The following VEPH1 variants were observed in gnomAD, a reference collection of about 807,000 sequenced individuals.
VEPH1 encodes ventricular zone expressed PH domain containing 1.
A neutral mutation model predicts 85.2 loss-of-function variants in VEPH1; 80 were observed. The observed-to-expected ratio is 0.94, with a 90% confidence interval of 0.78 to 1.13. The LOEUF (loss-of-function observed/expected upper bound fraction) is 1.13. Ranked by LOEUF, VEPH1 falls within the 50% of genes most tolerant of loss-of-function variation. The pLI, the probability that VEPH1 is intolerant of heterozygous loss-of-function variation, is 0.00. For synonymous variants in VEPH1, 297 were observed against 348.0 expected, an observed-to-expected ratio of 0.85 and a Z score of 1.63; for missense variants, 955 against 980.5, an observed-to-expected ratio of 0.97 and a Z score of 0.35.
At chr3:157,392,842 A>G (rs1451524260) in intron 6 of VEPH1, among the ~76,000 whole-genome samples, 2 of 152,120 alleles carry the variant, frequency 1.3e-5, no homozygotes, top group Non-Finnish European at 2.9e-5. Context: ...GATACTTTTG[A>G]TTGCCTATCA....
At chr3:157,382,903 C>T (rs1052703481) in intron 6 of VEPH1, among the ~76,000 whole-genome samples, 1 of 152,174 alleles carries the variant, frequency 6.6e-6, no homozygotes, top group Non-Finnish European at 1.5e-5. Context: ...GTGATCATGG[C>T]TCACTGCAGC....
chr3:157,418,081 C>T (rs115780009), intron 5 of VEPH1, among the ~76,000 whole-genome samples: 1,965 of 152,154 alleles, frequency 0.013, 36 homozygotes, highest in African/African-American at 0.043. Context: ...GACCCAAGGA[C>T]GAAGTCTTCA....
At chr3:157,425,065 G>A (rs1168254322) in intron 5 of VEPH1, among the ~76,000 whole-genome samples, 2 of 152,214 alleles carry the variant, frequency 1.3e-5, no homozygotes, top group African/African-American at 4.8e-5. Context: ...CACGCTGTGT[G>A]CAGTCTAGGG....
At chr3:157,463,534 C>T (rs906427979) in intron 3 of VEPH1, among the ~76,000 whole-genome samples, 4 of 152,150 alleles carry the variant, frequency 2.6e-5, no homozygotes, top group African/African-American at 9.7e-5. Flanking sequence ...TTAATTGGGC[C>T]TGATCTGACT....
intron 9 of VEPH1, among the ~76,000 whole-genome samples, chr3:157,355,328 C>A (rs568922368): frequency 6.6e-6 from 1 of 152,336 alleles, no homozygotes; most frequent in South Asian, 2.1e-4. Flanking sequence ...GAAGAGTTGG[C>A]TGATGAATGA....
At chr3:157,413,318 A>C (rs1451963640) in intron 6 of VEPH1, 1 of 297,920 alleles carries the variant, frequency 3.4e-6, no homozygotes. Flanking sequence ...ACTTTTAAAC[A>C]TCCACAAACG....
intron 9 of VEPH1, among the ~76,000 whole-genome samples, chr3:157,325,949 T>G (rs1721855594): frequency 6.6e-6 from 1 of 152,248 alleles, no homozygotes; most frequent in Non-Finnish European, 1.5e-5. Flanking sequence ...TGATATTGAT[T>G]TTTCCTATCC....
At chr3:157,496,673 C>T (rs1739690934) in intron 1 of VEPH1, among the ~76,000 whole-genome samples, 1 of 152,196 alleles carries the variant, frequency 6.6e-6, no homozygotes, top group East Asian at 1.9e-4. Context: ...TAGTCTCAGA[C>T]CTCTCCTCTG....
Position 157,413,879 on chromosome 3 carries a change from A to C in VEPH1, c.906+2T>G, listed in dbSNP as rs2109034405. 1 of 1,612,780 alleles carries C rather than the reference A, an allele frequency of 6.2e-7. No homozygotes were observed. Among genetic ancestry groups the C allele is most frequent in the East Asian group, 2.2e-5 (1 of 44,836 alleles). The stretch of plus-strand genomic sequence containing the variant: ...GAATGGAGAGAAAAAAGCCAAACTT[A>C]CTTCATCCACATGCCCAACAGCTCC... On this transcript the variant is annotated splice_donor_variant, in intron 6 of 13. Coordinates refer to ENST00000362010, the MANE Select transcript of VEPH1 (RefSeq NM_001167912.2). LOFTEE classifies it high-confidence loss of function.
chr3:157,318,660 GAA>G (rs1409659221), intron 9 of VEPH1, among the ~76,000 whole-genome samples: 1 of 134,074 alleles, frequency 7.5e-6, no homozygotes, highest in Non-Finnish European at 1.7e-5. Context: ...AAGAATGAAA[GAA>G]AAGGAAAGAA....
intron 9 of VEPH1, among the ~76,000 whole-genome samples, chr3:157,327,099 G>A (rs1419089824): frequency 6.6e-6 from 1 of 152,130 alleles, no homozygotes; most frequent in Non-Finnish European, 1.5e-5. Context: ...ACTGAGATGA[G>A]GTCAGATTGG....
At chr3:157,317,886 G>A (rs1720917203) in intron 9 of VEPH1, among the ~76,000 whole-genome samples, 1 of 152,180 alleles carries the variant, frequency 6.6e-6, no homozygotes, top group Non-Finnish European at 1.5e-5. Flanking sequence ...TTAAGTACTG[G>A]ATAATAAACA....
chr3:157,379,506 T>C (rs1340431587), intron 7 of VEPH1, among the ~76,000 whole-genome samples: 1 of 152,210 alleles, frequency 6.6e-6, no homozygotes, highest in Non-Finnish European at 1.5e-5. Flanking sequence ...GCCCATTGTA[T>C]GCACTTTTAG....
chr3:157,391,449 A>T (rs1729846181), intron 6 of VEPH1, among the ~76,000 whole-genome samples: 1 of 152,090 alleles, frequency 6.6e-6, no homozygotes, highest in South Asian at 2.1e-4. Flanking sequence ...AATGGGAAAA[A>T]CTGCACTTTC....
chr3:157,386,984 C>A (rs1321869592), intron 6 of VEPH1, among the ~76,000 whole-genome samples: 3 of 152,062 alleles, frequency 2.0e-5, no homozygotes, highest in Admixed American at 6.5e-5. Flanking sequence ...AACTCAGGAT[C>A]AGGAGTCAAA....
In VEPH1 at chr3:157,395,102, G is replaced by A. The variant is rs571113329; in HGVS notation, c.907-13726C>T. Among the ~76,000 whole-genome samples, 20 of 152,292 alleles carry A rather than the reference G, an allele frequency of 1.3e-4. No individual in the cohort carries two copies. The East Asian group carries it at 2.7e-3, about 21-fold the overall frequency. ...ACGCCATGATCACGAATGCATTGCC[G>A]CATTTCTGTCTGTAGAGTGAGTTCC... On this transcript the variant is annotated intron_variant, in intron 6 of 13. Coordinates refer to ENST00000362010, the MANE Select transcript of VEPH1 (RefSeq NM_001167912.2).
intron 4 of VEPH1, among the ~76,000 whole-genome samples, chr3:157,433,368 G>A (rs899126190): frequency 6.6e-6 from 1 of 152,008 alleles, no homozygotes; most frequent in Non-Finnish European, 1.5e-5. Flanking sequence ...ATAGGTTTTG[G>A]TATTTATGTT....
chr3:157,351,772 C>A (rs142662432), intron 9 of VEPH1, among the ~76,000 whole-genome samples: 27 of 152,094 alleles, frequency 1.8e-4, no homozygotes, highest in African/African-American at 6.5e-4. Flanking sequence ...TTTCAAGAAG[C>A]GAGGATCTGT....
chr3:157,386,098 A>C (rs1421590581), intron 6 of VEPH1, among the ~76,000 whole-genome samples: 1 of 152,116 alleles, frequency 6.6e-6, no homozygotes, highest in East Asian at 1.9e-4. Flanking sequence ...GCAAGCTCAA[A>C]TTGTATCACT....
Sources: gnomAD v4.1 joint callset for allele counts (sites outside exome capture counted in the v4.1 genomes callset) on GRCh38, gnomAD v4.1.1 for gene constraint, MANE v1.5 for transcripts, NCBI Gene and HGNC (gene_info 2026-07-23, HGNC 2026-07-21) for gene names.